CCDC192: variants seen among roughly 807,000 people sequenced by gnomAD.
CCDC192 encodes the protein coiled-coil domain containing 192.
At chr5:127,724,355 A>C (rs752293405) in intron 2 of CCDC192, among the ~76,000 whole-genome samples, 70 of 152,308 alleles carry the variant, frequency 4.6e-4, no homozygotes, top group Non-Finnish European at 8.1e-4. Context: ...TGGTGACTAC[A>C]TTCTGAATCC....
At chr5:127,781,131 G>A (rs1446915533) in intron 3 of CCDC192, among the ~76,000 whole-genome samples, 1 of 152,142 alleles carries the variant, frequency 6.6e-6, no homozygotes, top group African/African-American at 2.4e-5. Flanking sequence ...TCAAAGATCA[G>A]TTGGCTGTAA....
chr5:127,933,656 G>A (rs1201374260), intron 6 of CCDC192, among the ~76,000 whole-genome samples: 3 of 152,218 alleles, frequency 2.0e-5, no homozygotes, highest in Non-Finnish European at 2.9e-5. Context: ...TCTGGAGACT[G>A]GTGGAGTACT....
intron 6 of CCDC192, among the ~76,000 whole-genome samples, chr5:127,907,264 AAAAAT>A (rs1435409057): frequency 6.6e-5 from 10 of 152,318 alleles, no homozygotes; most frequent in African/African-American, 2.4e-4. Context: ...GAGCAGAACA[AAAAAT>A]AAAATAATTC....
At chr5:127,851,884 G>C (rs1360210735) in intron 5 of CCDC192, among the ~76,000 whole-genome samples, 1 of 152,198 alleles carries the variant, frequency 6.6e-6, no homozygotes, top group Non-Finnish European at 1.5e-5. Context: ...CTATTGCTCT[G>C]TCTCAGAGTT....
At chr5:127,716,785 C>T (rs927203536) in intron 2 of CCDC192, among the ~76,000 whole-genome samples, 2 of 152,120 alleles carry the variant, frequency 1.3e-5, no homozygotes, top group African/African-American at 4.8e-5. Flanking sequence ...TAAGATGTGA[C>T]CTCCTTGCTT....
chr5:127,735,302 C>T (rs1274829862), intron 2 of CCDC192, among the ~76,000 whole-genome samples: 1 of 136,374 alleles, frequency 7.3e-6, no homozygotes, highest in Non-Finnish European at 1.6e-5. Flanking sequence ...TGTTTTGGTA[C>T]CAGTACCATG....
intron 3 of CCDC192, among the ~76,000 whole-genome samples, chr5:127,782,289 T>C (rs761452255): frequency 1.3e-5 from 2 of 152,140 alleles, no homozygotes; most frequent in Non-Finnish European, 2.9e-5. Context: ...TTTTTGGATA[T>C]GTCCTTTCCT....
intron 3 of CCDC192, among the ~76,000 whole-genome samples, chr5:127,770,962 C>G (rs911894285): frequency 6.6e-6 from 1 of 152,190 alleles, no homozygotes; most frequent in Non-Finnish European, 1.5e-5. Context: ...TTTAATAATT[C>G]TATGGCTGTA....
At chr5:127,859,513 T>C (rs1751265041) in intron 5 of CCDC192, among the ~76,000 whole-genome samples, 1 of 150,842 alleles carries the variant, frequency 6.6e-6, no homozygotes, top group South Asian at 2.1e-4. Flanking sequence ...AATCAATCTC[T>C]AGGAACAGGA....
chr5:127,851,711 C>T (rs1031706012), intron 5 of CCDC192, among the ~76,000 whole-genome samples: 2 of 152,236 alleles, frequency 1.3e-5, no homozygotes, highest in Admixed American at 6.5e-5. Flanking sequence ...CCGCCTCGGC[C>T]TCCCAAAGTG....
chr5:127,908,393 T>G (rs1753257046), intron 6 of CCDC192, among the ~76,000 whole-genome samples: 1 of 152,202 alleles, frequency 6.6e-6, no homozygotes, highest in African/African-American at 2.4e-5. Flanking sequence ...TGAACAGGGT[T>G]TTTCTAAATC....
At position 127,862,288 on chromosome 5, in the gene CCDC192, G is replaced by A. The variant is rs1245029459; in HGVS notation, c.412-13250G>A. Among the ~76,000 whole-genome samples the A allele has an allele frequency of 3.9e-5, 6 of 152,124 alleles. No individual in the cohort carries two copies. The East Asian group carries it at 1.2e-3, about 29-fold the overall frequency. On this transcript the variant is annotated intron_variant, in intron 5 of 6. Transcript: ENST00000514853. ...CATGTTACATGGACCAAGTTCTCAT[G>A]GGAACCTCCCCATCTGCAACATTCT...
intron 3 of CCDC192, among the ~76,000 whole-genome samples, chr5:127,768,062 G>GC (rs1755333002): frequency 6.6e-6 from 1 of 151,990 alleles, no homozygotes; most frequent in African/African-American, 2.4e-5. Context: ...GACCAGCCTG[G>GC]CCAACATGGT....
intron 6 of CCDC192, among the ~76,000 whole-genome samples, chr5:127,896,207 G>C (rs979273154): frequency 4.6e-5 from 7 of 152,082 alleles, no homozygotes; most frequent in African/African-American, 1.4e-4. Context: ...GAGAGGTCCA[G>C]GCAGGAGGAT....
At chr5:127,867,801 A>G (rs1751675425) in intron 5 of CCDC192, among the ~76,000 whole-genome samples, 1 of 152,046 alleles carries the variant, frequency 6.6e-6, no homozygotes, top group Admixed American at 6.6e-5. Context: ...AAAATTATTT[A>G]TTGTATGATA....
intron 5 of CCDC192, among the ~76,000 whole-genome samples, chr5:127,819,867 A>G (rs1261953183): frequency 6.6e-6 from 1 of 152,230 alleles, no homozygotes; most frequent in Non-Finnish European, 1.5e-5. Flanking sequence ...ACAAATGAAT[A>G]GTCCATGGTC....
chr5:127,770,680 C>T (rs776364289), intron 3 of CCDC192, among the ~76,000 whole-genome samples: 4 of 152,036 alleles, frequency 2.6e-5, no homozygotes, highest in South Asian at 4.1e-4. Context: ...GATCCAGGAG[C>T]GAATGCACAT....
intron 6 of CCDC192, among the ~76,000 whole-genome samples, chr5:127,918,216 TAAAA>T (rs1219307107): frequency 3.0e-5 from 3 of 100,420 alleles, no homozygotes; most frequent in African/African-American, 9.0e-5. Context: ...CTTCAATTTG[TAAAA>T]AAAAAAAAAA....
chr5:127,898,134 G>A (rs921112992), intron 6 of CCDC192, among the ~76,000 whole-genome samples: 1 of 151,486 alleles, frequency 6.6e-6, no homozygotes. Flanking sequence ...TTGAGACGGA[G>A]TTTTACTCTT....
Sources: gnomAD v4.1 joint callset for allele counts (sites outside exome capture counted in the v4.1 genomes callset) on GRCh38, gnomAD v4.1.1 for gene constraint, MANE v1.5 for transcripts, NCBI Gene and HGNC (gene_info 2026-07-23, HGNC 2026-07-21) for gene names.